ME2: variants seen among roughly 807,000 people sequenced by gnomAD.
The protein encoded by ME2 is malic enzyme 2.
A neutral mutation model predicts 73.7 loss-of-function variants in ME2; 60 were observed. The ratio of observed to expected loss-of-function variants is 0.81; its 90% CI spans 0.66 to 1.01. The LOEUF is 1.01. Among genes scored for constraint, ME2 ranks in the 50% least tolerant of loss-of-function variants. The pLI, the probability that ME2 is intolerant of heterozygous loss-of-function variation, is 0.00. For synonymous variants in ME2, 199 were observed against 236.9 expected (o/e 0.84, Z 1.47); for missense variants, 594 against 705.5 (o/e 0.84, Z 1.79).
intron 13 of ME2, chr18:50,934,949 G>C (rs1599122019): frequency 6.6e-6 from 1 of 152,190 alleles, no homozygotes; most frequent in South Asian, 2.1e-4. Flanking sequence ...GGAAGAAAGT[G>C]GCTAAGAGGT....
At position 50,951,063 on chromosome 18, in the gene ME2, A is replaced by C. The variant is rs1201709580; in HGVS notation, c.*3879A>C. The C allele has an allele frequency of 6.6e-6, 1 of 152,222 alleles. No homozygotes were observed. The highest frequency in any genetic ancestry group is 2.4e-5 in the African/African-American group (1 of 41,454). 9.4% of individuals were successfully genotyped at this position (152,222 alleles called of 1,614,324 possible). ...ATTTTTCTGAAAACATAAAAACTAGAGTACTCTTTAATTCTAAATTATAGA... is the reference window on the plus strand; with the variant it reads ...ATTTTTCTGAAAACATAAAAACTAGCGTACTCTTTAATTCTAAATTATAGA... On this transcript the variant is annotated 3_prime_UTR_variant, in exon 16 of 16. Coordinates refer to ENST00000321341, the MANE Select transcript of ME2 (RefSeq NM_002396.5).
At chr18:50,935,638 G>A in intron 13 of ME2, 1 of 149,994 alleles carries the variant, frequency 6.7e-6, no homozygotes, top group South Asian at 2.1e-4. Context: ...TGTAGTCCTA[G>A]CTATTCAGGA....
rs1289574584 is a variant in ME2 at position 50,953,499 on chromosome 18, T to C, written c.*6315T>C. ...TTCATTTAGTCTTCAGCATTTTAAG[T>C]ATTCGACACGAACATTAAAGATTTG... On this transcript the variant is annotated 3_prime_UTR_variant, in exon 16 of 16. Coordinates refer to ENST00000321341, the MANE Select transcript of ME2 (RefSeq NM_002396.5). 6.6e-6 allele frequency: 1 copy of C among 152,242 alleles called. No homozygotes were observed. Among genetic ancestry groups the C allele is most frequent in the East Asian group, 1.9e-4 (1 of 5,196 alleles). 9.4% of individuals were successfully genotyped at this position (152,242 alleles called of 1,614,324 possible). A position where few individuals can be genotyped will look rare whatever the true frequency, so the allele number is the denominator to read the frequency against.
At chr18:50,914,968 C>G (rs1917249634) in intron 4 of ME2, among the ~76,000 whole-genome samples, 1 of 152,006 alleles carries the variant, frequency 6.6e-6, no homozygotes, top group Non-Finnish European at 1.5e-5. Flanking sequence ...ACAATTTATA[C>G]ATATTTCAAA....
At chr18:50,936,514 A>G (rs1917822787) in intron 13 of ME2, among the ~76,000 whole-genome samples, 1 of 152,240 alleles carries the variant, frequency 6.6e-6, no homozygotes, top group Non-Finnish European at 1.5e-5. Context: ...CAAACATCAC[A>G]TGGGATTTTG....
At chr18:50,916,327 T>C (rs1428746394) in intron 5 of ME2, 84 bp downstream of exon 5, 1 of 1,083,330 alleles carries the variant, frequency 9.2e-7, no homozygotes, top group South Asian at 1.4e-5. Flanking sequence ...AGTTTTTCAT[T>C]GTTGCTCTCA....
chr18:50,946,629 C>G (rs1432698387), intron 15 of ME2, among the ~76,000 whole-genome samples: 1 of 152,148 alleles, frequency 6.6e-6, no homozygotes, highest in African/African-American at 2.4e-5. Context: ...TACTATGCCT[C>G]TTAATCCAAA....
At chr18:50,900,110 T>C (rs1206636042) in intron 2 of ME2, among the ~76,000 whole-genome samples, 1 of 152,078 alleles carries the variant, frequency 6.6e-6, no homozygotes, top group Non-Finnish European at 1.5e-5. Flanking sequence ...TGTTTTCTTA[T>C]CATTTTTTGA....
chr18:50,913,143 A>G (rs139922855), intron 4 of ME2, 193 bp downstream of exon 4: 70 of 418,008 alleles, frequency 1.7e-4, no homozygotes, highest in African/African-American at 1.2e-3. Context: ...TAAAAATAGC[A>G]TAATTCATTT....
At position 50,951,358 on chromosome 18, in the gene ME2, C is replaced by G. The variant is rs368029414; in HGVS notation, c.*4174C>G. On this transcript the variant is annotated 3_prime_UTR_variant, in exon 16 of 16. Transcript: ENST00000321341. ...ACAGAAAACCCAAAAGGGATGGTGG[C>G]GGAGTGAAGAAAGCCTTGCCTTGGG... 6 of 152,072 alleles carry G rather than the reference C, an allele frequency of 3.9e-5. No homozygotes were observed. Among genetic ancestry groups the G allele is most frequent in the African/African-American group, 1.2e-4 (5 of 41,400 alleles). The allele number at this position is 152,072 out of a possible 1,614,324, so 9.4% of individuals were successfully genotyped here.
At chr18:50,913,609 C>T (rs1412749234) in intron 4 of ME2, among the ~76,000 whole-genome samples, 1 of 151,960 alleles carries the variant, frequency 6.6e-6, no homozygotes, top group Non-Finnish European at 1.5e-5. Flanking sequence ...CTGGGATTTA[C>T]AGGCGTGAGC....
intron 15 of ME2, chr18:50,942,812 T>C (rs552974323): frequency 7.8e-6 from 2 of 255,904 alleles, no homozygotes; most frequent in South Asian, 3.2e-4. Context: ...CAATCTTATT[T>C]TAATAGTTTT....
chr18:50,923,446 A>G (rs138618696), intron 10 of ME2, among the ~76,000 whole-genome samples: 1 of 152,230 alleles, frequency 6.6e-6, no homozygotes, highest in African/African-American at 2.4e-5. Context: ...GCCATATTGT[A>G]TTTCTAAAAT....
At chr18:50,946,851 C>G (rs932086900) in intron 15 of ME2, among the ~76,000 whole-genome samples, 166 bp from the exon 16 acceptor site, 25 of 152,138 alleles carry the variant, frequency 1.6e-4, no homozygotes, top group African/African-American at 5.6e-4. Flanking sequence ...TTTAAACTTT[C>G]CATAGTTTCC....
In ME2 at chr18:50,953,417, T is replaced by A. The variant is rs1284870437; in HGVS notation, c.*6233T>A. The A allele has an allele frequency of 6.6e-6, 1 of 152,200 alleles. No individual in the cohort carries two copies. The highest frequency in any genetic ancestry group is 2.4e-5 in the African/African-American group (1 of 41,450). The allele number at this position is 152,200 out of a possible 1,614,324, so 9.4% of individuals were successfully genotyped here. A position where few individuals can be genotyped will look rare whatever the true frequency, so the allele number is the denominator to read the frequency against. On this transcript the variant is annotated 3_prime_UTR_variant, in exon 16 of 16. Coordinates refer to ENST00000321341, the MANE Select transcript of ME2 (RefSeq NM_002396.5). ...CCGGCCTCACTTAGTCTTTTACCAG[T>A]TCATCTGATTTTTACTTTGTTCCCA...
chr18:50,889,423 C>T (rs1916555481), intron 1 of ME2, among the ~76,000 whole-genome samples: 1 of 152,198 alleles, frequency 6.6e-6, no homozygotes. Flanking sequence ...GCAGAGTGGC[C>T]TGTCCAGAGA....
At chr18:50,934,364 T>C (rs186208478) in intron 13 of ME2, 5 of 152,278 alleles carry the variant, frequency 3.3e-5, no homozygotes, top group African/African-American at 1.2e-4. Flanking sequence ...AAAAATGACC[T>C]GGTCAGGCAT....
intron 2 of ME2, among the ~76,000 whole-genome samples, chr18:50,907,217 C>G (rs1210708352): frequency 6.6e-6 from 1 of 152,158 alleles, no homozygotes; most frequent in East Asian, 1.9e-4. Flanking sequence ...TGGAATAGGG[C>G]TTAGAAGAAT....
chr18:50,920,938 C>T (rs1327165915), intron 9 of ME2, 136 bp from the exon 10 acceptor site: 1 of 692,454 alleles, frequency 1.4e-6, no homozygotes, highest in African/African-American at 1.9e-5. Context: ...GAGAGAATAT[C>T]ACGAAGAATT....
Sources: gnomAD v4.1 joint callset for allele counts (sites outside exome capture counted in the v4.1 genomes callset) on GRCh38, gnomAD v4.1.1 for gene constraint, MANE v1.5 for transcripts, NCBI Gene and HGNC (gene_info 2026-07-23, HGNC 2026-07-21) for gene names.